Variants in SRBD1 observed in about 807,000 individuals in gnomAD.
SRBD1 encodes the protein S1 RNA binding domain 1.
SRBD1 carries 88 observed loss-of-function variants against 115.3 expected under a neutral mutation model. The observed-to-expected ratio is 0.76, with a 90% confidence interval of 0.64 to 0.91. The LOEUF (loss-of-function observed/expected upper bound fraction) is 0.91. Among genes scored for constraint, SRBD1 ranks in the 40% least tolerant of loss-of-function variants. The pLI is 0.00. For missense variants in SRBD1, 1,385 were observed against 1,177.4 expected (o/e 1.18, Z -2.58); for synonymous variants, 509 against 407.7 (o/e 1.25, Z -2.99).
At chr2:45,485,771 G>C (rs147829791) in intron 15 of SRBD1, among the ~76,000 whole-genome samples, 1 of 152,104 alleles carries the variant, frequency 6.6e-6, no homozygotes, top group African/African-American at 2.4e-5. Flanking sequence ...CTCGTAGGTA[G>C]CTCAGATCTC....
intron 16 of SRBD1, among the ~76,000 whole-genome samples, chr2:45,434,245 A>G (rs1176299334): frequency 6.6e-6 from 1 of 152,178 alleles, no homozygotes; most frequent in Non-Finnish European, 1.5e-5. Context: ...AAAACCCAAC[A>G]TTCCAGGGCT....
At chr2:45,405,957 C>T (rs1179314005) in intron 19 of SRBD1, among the ~76,000 whole-genome samples, 1 of 151,968 alleles carries the variant, frequency 6.6e-6, no homozygotes, top group African/African-American at 2.4e-5. Context: ...TCTAGCTTTT[C>T]GGAAGTGAGG....
chr2:45,389,232 G>T lies in SRBD1; in HGVS notation c.*78C>A. 1 of 1,502,334 alleles carries T rather than the reference G, an allele frequency of 6.7e-7. No homozygotes were observed. Among genetic ancestry groups the T allele is most frequent in the Non-Finnish European group, 9.0e-7 (1 of 1,112,104 alleles). The allele number at this position is 1,502,334 out of a possible 1,614,324, so 93.1% of individuals were successfully genotyped here. On this transcript the variant is annotated 3_prime_UTR_variant, in exon 21 of 21. Transcript: ENST00000263736. ...AATTATTTCTCATCTGCTACCTAGA[G>T]TTTACAAACAACTGACTTATCCTTG... is the stretch of plus-strand genomic sequence containing the variant.
intron 16 of SRBD1, among the ~76,000 whole-genome samples, chr2:45,445,132 T>C (rs1327721857): frequency 2.0e-5 from 3 of 152,124 alleles, no homozygotes; most frequent in Non-Finnish European, 4.4e-5. Flanking sequence ...TTTCAGACAG[T>C]TGGAAAGGAT....
At chr2:45,595,153 T>C (rs1463916895) in intron 4 of SRBD1, among the ~76,000 whole-genome samples, 5 of 152,234 alleles carry the variant, frequency 3.3e-5, no homozygotes, top group African/African-American at 1.2e-4. Context: ...TTTTGTCCTT[T>C]TGACAAGCCT....
At chr2:45,441,848 T>A (rs1668679106) in intron 16 of SRBD1, among the ~76,000 whole-genome samples, 1 of 152,114 alleles carries the variant, frequency 6.6e-6, no homozygotes, top group Admixed American at 6.5e-5. Flanking sequence ...AAAGTGAAAT[T>A]TAAGATGTCC....
chr2:45,430,921 C>G (rs960559445), intron 16 of SRBD1, among the ~76,000 whole-genome samples: 8 of 152,128 alleles, frequency 5.3e-5, no homozygotes, highest in African/African-American at 7.2e-5. Context: ...TATCCAGAAT[C>G]TACAACGAAC....
chr2:45,412,373 C>T (rs1667629751), intron 19 of SRBD1, among the ~76,000 whole-genome samples: 1 of 151,748 alleles, frequency 6.6e-6, no homozygotes, highest in Non-Finnish European at 1.5e-5. Flanking sequence ...ATACTATAGT[C>T]TTTTTAAATA....
At chr2:45,474,004 T>G (rs1669729644) in intron 16 of SRBD1, among the ~76,000 whole-genome samples, 1 of 152,234 alleles carries the variant, frequency 6.6e-6, no homozygotes, top group African/African-American at 2.4e-5. Context: ...CTGAAGGAAT[T>G]CAACCTTCCA....
intron 14 of SRBD1, among the ~76,000 whole-genome samples, chr2:45,508,889 T>C (rs1008875415): frequency 2.6e-5 from 4 of 152,100 alleles, no homozygotes; most frequent in African/African-American, 9.7e-5. Context: ...CAGGCATTCT[T>C]AGACAATTTT....
intron 16 of SRBD1, among the ~76,000 whole-genome samples, chr2:45,473,405 A>G (rs570648138): frequency 2.0e-5 from 3 of 152,334 alleles, no homozygotes; most frequent in African/African-American, 7.2e-5. Flanking sequence ...AGGCTCAACT[A>G]TACATTTTAC....
chr2:45,516,976 A>T (rs1034222519), intron 14 of SRBD1, among the ~76,000 whole-genome samples: 3 of 152,246 alleles, frequency 2.0e-5, no homozygotes, highest in Non-Finnish European at 4.4e-5. Context: ...CATGGAGCTT[A>T]CATGTTAGCC....
chr2:45,456,718 C>T (rs998411361), intron 16 of SRBD1, among the ~76,000 whole-genome samples: 16 of 151,738 alleles, frequency 1.1e-4, no homozygotes, highest in African/African-American at 3.6e-4. Flanking sequence ...GGCCAGCATG[C>T]TGAAGAAAAA....
chr2:45,411,065 C>T (rs1667587690), intron 19 of SRBD1, among the ~76,000 whole-genome samples: 1 of 152,170 alleles, frequency 6.6e-6, no homozygotes, highest in Admixed American at 6.5e-5. Context: ...AGTTACAGGT[C>T]ACAACCAGAC....
chr2:45,398,164 T>G (rs932932980), intron 19 of SRBD1, among the ~76,000 whole-genome samples: 1 of 152,188 alleles, frequency 6.6e-6, no homozygotes, highest in African/African-American at 2.4e-5. Flanking sequence ...ACCGTTTTTT[T>G]ACAGTAAATT....
intron 14 of SRBD1, among the ~76,000 whole-genome samples, chr2:45,492,051 C>A (rs1018465661): frequency 4.6e-5 from 7 of 152,062 alleles, no homozygotes; most frequent in African/African-American, 1.7e-4. Context: ...GAACTCCCAA[C>A]CTCGGGTGAT....
At chr2:45,463,510 A>G (rs1185700565) in intron 16 of SRBD1, among the ~76,000 whole-genome samples, 2 of 152,194 alleles carry the variant, frequency 1.3e-5, no homozygotes, top group South Asian at 2.1e-4. Context: ...TGAAATTCTC[A>G]TAAGTGGCCC....
At chr2:45,517,584 G>C (rs1338473595) in intron 14 of SRBD1, among the ~76,000 whole-genome samples, 1 of 152,184 alleles carries the variant, frequency 6.6e-6, no homozygotes, top group African/African-American at 2.4e-5. Flanking sequence ...CTAAGTAAAA[G>C]TTAACTCTCA....
Position 45,505,273 on chromosome 2 carries a change from G to C in SRBD1, c.1875-16942C>G, listed in dbSNP as rs138625163. Among the ~76,000 whole-genome samples, 352 of 152,306 alleles carry C rather than the reference G, an allele frequency of 2.3e-3. 2 individuals carry two copies. The highest frequency in any genetic ancestry group is 8.3e-3 in the African/African-American group (344 of 41,570). On this transcript the variant is annotated intron_variant, in intron 14 of 20. Coordinates refer to ENST00000263736, the MANE Select transcript of SRBD1 (RefSeq NM_018079.5). The stretch of plus-strand genomic sequence containing the variant: ...AGAATGTCTTAGCCTCACATGTGGA[G>C]CAAGAAGGCAGAAAAAGCAGCAGCA...
Sources: allele counts gnomAD v4.1 joint callset (sites outside exome capture counted in the v4.1 genomes callset), GRCh38; gene constraint gnomAD v4.1.1; transcripts MANE v1.5; gene names NCBI Gene and HGNC (gene_info 2026-07-23, HGNC 2026-07-21).